Variants in SEC24A observed in about 807,000 individuals in gnomAD.
The protein encoded by SEC24A is SEC24 homolog A, COPII component, also known as protein transport protein Sec24A.
In SEC24A, 93 loss-of-function variants were observed where a neutral mutation model predicts 129.4. The ratio of observed to expected loss-of-function variants is 0.72; its 90% CI spans 0.61 to 0.85. The LOEUF is 0.85. Ranked by LOEUF, SEC24A falls within the 40% of genes least tolerant of loss-of-function variation. The probability of loss-of-function intolerance (pLI) is 0.00; values close to 1 mark genes in which losing one functional copy is unlikely to be tolerated. For missense variants in SEC24A, 1,264 were observed against 1,307.4 expected, an observed-to-expected ratio of 0.97 and a Z score of 0.51; for synonymous variants, 460 against 467.3, an observed-to-expected ratio of 0.98 and a Z score of 0.20.
At chr5:134,653,516 G>A (rs1750135884) in intron 1 of SEC24A, among the ~76,000 whole-genome samples, 1 of 152,082 alleles carries the variant, frequency 6.6e-6, no homozygotes, top group Non-Finnish European at 1.5e-5. Context: ...CTCCCAAAGA[G>A]CTAGGATTAC....
At chr5:134,700,839 C>T (rs1384850418) in intron 15 of SEC24A, among the ~76,000 whole-genome samples, 1 of 152,058 alleles carries the variant, frequency 6.6e-6, no homozygotes, top group Non-Finnish European at 1.5e-5. Context: ...CTGCCTCACC[C>T]TCCCAAGTAG....
chr5:134,702,857 C>G (rs753637876), intron 15 of SEC24A, among the ~76,000 whole-genome samples: 1 of 151,914 alleles, frequency 6.6e-6, no homozygotes, highest in Non-Finnish European at 1.5e-5. Context: ...CTCTGCCTCT[C>G]AGGTTCAAGC....
intron 22 of SEC24A, among the ~76,000 whole-genome samples, chr5:134,724,122 C>G (rs537320430): frequency 6.6e-6 from 1 of 152,292 alleles, no homozygotes; most frequent in Admixed American, 6.5e-5. Context: ...CTTTCCTTCT[C>G]CATAGCCACT....
chr5:134,671,896 T>C lies in SEC24A; in HGVS notation c.817+10T>C, dbSNP rs1750877547. On this transcript the variant is annotated intron_variant, in intron 4 of 22. Transcript: ENST00000398844. Reference sequence around the variant, plus strand: ...GGAGGTGGCTTATTGGGTGAGATGCTATGAAAGTTTTTTTTTTAATCTCTT... The same window carrying C: ...GGAGGTGGCTTATTGGGTGAGATGCCATGAAAGTTTTTTTTTTAATCTCTT... 1 of 1,569,376 alleles carries C rather than the reference T, an allele frequency of 6.4e-7. No individual in the cohort carries two copies. The highest frequency in any genetic ancestry group is 1.4e-5 in the African/African-American group (1 of 73,446).
intron 2 of SEC24A, among the ~76,000 whole-genome samples, chr5:134,666,186 G>T (rs1436668965): frequency 6.6e-6 from 1 of 152,010 alleles, no homozygotes; most frequent in Non-Finnish European, 1.5e-5. Flanking sequence ...CTCTAAAAGT[G>T]ATTTAATCCA....
chr5:134,718,635 T>A (rs888175762), intron 20 of SEC24A, among the ~76,000 whole-genome samples: 6 of 152,046 alleles, frequency 3.9e-5, no homozygotes, highest in African/African-American at 1.2e-4. Context: ...GTGTTTGTGT[T>A]TCAGTATTTA....
chr5:134,710,905 G>A (rs1184135720), intron 18 of SEC24A, among the ~76,000 whole-genome samples: 1 of 152,208 alleles, frequency 6.6e-6, no homozygotes, highest in East Asian at 1.9e-4. Flanking sequence ...GGAGGCCAAG[G>A]CGGGCGGATC....
At chr5:134,701,954 A>G (rs2150103591) in intron 15 of SEC24A, among the ~76,000 whole-genome samples, 2 of 152,372 alleles carry the variant, frequency 1.3e-5, no homozygotes, top group Middle Eastern at 3.4e-3. Flanking sequence ...ACAAAAAGAT[A>G]TAAAATGAGA....
intron 3 of SEC24A, among the ~76,000 whole-genome samples, chr5:134,669,563 G>T (rs1242415030): frequency 6.6e-6 from 1 of 150,740 alleles, no homozygotes; most frequent in African/African-American, 2.4e-5. Flanking sequence ...TGCAACCTCC[G>T]CTCCCGGGTT....
chr5:134,689,653 CG>C (rs896988823), intron 11 of SEC24A, among the ~76,000 whole-genome samples: 2 of 151,630 alleles, frequency 1.3e-5, no homozygotes, highest in African/African-American at 4.8e-5. Context: ...CCCAGCTACT[CG>C]GGAGGCTGAG....
At chr5:134,662,355 C>T (rs577064316) in intron 2 of SEC24A, among the ~76,000 whole-genome samples, 5 of 152,050 alleles carry the variant, frequency 3.3e-5, no homozygotes, top group East Asian at 1.9e-4. Context: ...GGGGTTTCAC[C>T]GTGTTAGCCA....
At chr5:134,706,882 G>A (rs1343840749) in intron 17 of SEC24A, among the ~76,000 whole-genome samples, 1 of 151,984 alleles carries the variant, frequency 6.6e-6, no homozygotes, top group Non-Finnish European at 1.5e-5. Flanking sequence ...GTAGAGACGG[G>A]GTTTCACCAT....
chr5:134,664,960 A>T (rs1750607059), intron 2 of SEC24A, among the ~76,000 whole-genome samples: 1 of 150,944 alleles, frequency 6.6e-6, no homozygotes. Context: ...CACCACGCCC[A>T]GCTAATTTTT....
At chr5:134,673,502 G>A (rs748946756) in intron 4 of SEC24A, among the ~76,000 whole-genome samples, 6 of 151,894 alleles carry the variant, frequency 4.0e-5, no homozygotes, top group South Asian at 2.1e-4. Context: ...TCCCTCTGTC[G>A]TCCAGGCTGG....
chr5:134,708,792 T>A lies in SEC24A; in HGVS notation c.2631T>A (p.Ala877=). ...ATGCAGTCATTGACTCCCTTTCAGC[T>A]TACCGTTCTTCAGTCTTAAGTAACC... ...LVNAVIDSLS[A]YRSSVLSNQQ... Residue 877 remains alanine, a synonymous_variant, in exon 18 of 23, where the codon GCT becomes GCA. Transcript: ENST00000398844. 1 of 1,614,204 alleles carries A rather than the reference T, an allele frequency of 6.2e-7. No individual in the cohort carries two copies. Among genetic ancestry groups the A allele is most frequent in the Non-Finnish European group, 8.5e-7 (1 of 1,180,040 alleles).
intron 21 of SEC24A, among the ~76,000 whole-genome samples, chr5:134,722,480 G>A (rs537630750): frequency 1.4e-4 from 21 of 152,308 alleles, no homozygotes; most frequent in African/African-American, 4.6e-4. Flanking sequence ...TGGAGGCTGA[G>A]GCAGGAGAAT....
chr5:134,667,528 G>A (rs977205672), intron 3 of SEC24A, among the ~76,000 whole-genome samples: 68 of 151,620 alleles, frequency 4.5e-4, no homozygotes, highest in African/African-American at 1.5e-3. Flanking sequence ...GCAAGCGACT[G>A]TAGTAGTCAC....
At chr5:134,675,596 A>G (rs1751032030) in intron 6 of SEC24A, among the ~76,000 whole-genome samples, 1 of 152,176 alleles carries the variant, frequency 6.6e-6, no homozygotes, top group Non-Finnish European at 1.5e-5. Context: ...ACTTACCATA[A>G]GCTTAAATGT....
At chr5:134,672,547 C>G (rs891429691) in intron 4 of SEC24A, among the ~76,000 whole-genome samples, 1 of 151,996 alleles carries the variant, frequency 6.6e-6, no homozygotes, top group Non-Finnish European at 1.5e-5. Context: ...CCAGGCTGGT[C>G]TTGAATTCCT....
Sources: gnomAD v4.1 joint callset for allele counts (sites outside exome capture counted in the v4.1 genomes callset) on GRCh38, gnomAD v4.1.1 for gene constraint, MANE v1.5 for transcripts, NCBI Gene and HGNC (gene_info 2026-07-23, HGNC 2026-07-21) for gene names.